The following CDKL1 variants were observed in gnomAD, a reference collection of about 807,000 sequenced individuals.
The protein encoded by CDKL1 is cyclin-dependent kinase-like 1.
Under a neutral mutation model 42.0 loss-of-function variants are expected in CDKL1, and 41 were observed. That is an observed-to-expected ratio of 0.98 (90% CI 0.76 to 1.27). The LOEUF (loss-of-function observed/expected upper bound fraction) is 1.27. Ranked by LOEUF, CDKL1 falls within the 50% of genes most tolerant of loss-of-function variation. The probability of loss-of-function intolerance (pLI) is 0.00; values close to 1 mark genes in which losing one functional copy is unlikely to be tolerated. For synonymous variants in CDKL1, 153 were observed against 158.6 expected (o/e 0.96, Z 0.26); for missense variants, 394 against 428.4 (o/e 0.92, Z 0.71).
rs369387477 is a variant in CDKL1 at position 50,368,171 on chromosome 14, T to C, written c.169-9022A>G. Among the ~76,000 whole-genome samples, 29 of 152,270 alleles carry C rather than the reference T, an allele frequency of 1.9e-4. No individual in the cohort carries two copies. In the South Asian group the frequency reaches 5.6e-3, roughly 29 times the overall value. On this transcript the variant is annotated intron_variant, in intron 2 of 9. Transcript: ENST00000395834. Reference sequence around the variant, plus strand: ...GACAGGGTTTCGCTACGTTGCCCTGTCCGATCTTGAAATCCTGGGCTCAAG... The same window carrying C: ...GACAGGGTTTCGCTACGTTGCCCTGCCCGATCTTGAAATCCTGGGCTCAAG...
intron 2 of CDKL1, chr14:50,377,741 C>A: frequency 8.0e-7 from 1 of 1,250,546 alleles, no homozygotes; most frequent in Non-Finnish European, 1.0e-6. Flanking sequence ...TGCAGTGGCA[C>A]ATGAGTGGTA....
intron 2 of CDKL1, among the ~76,000 whole-genome samples, chr14:50,393,810 G>C (rs530146293): frequency 6.6e-6 from 1 of 152,158 alleles, no homozygotes; most frequent in Admixed American, 6.5e-5. Flanking sequence ...TTGAAATCAG[G>C]CTCATGTGTA....
At chr14:50,383,268 G>A (rs2034975022) in intron 2 of CDKL1, among the ~76,000 whole-genome samples, 1 of 151,948 alleles carries the variant, frequency 6.6e-6, no homozygotes, top group South Asian at 2.1e-4. Context: ...ACACACTGTC[G>A]GCTGGGCGTG....
At chr14:50,383,784 G>A (rs2034994116) in intron 2 of CDKL1, among the ~76,000 whole-genome samples, 1 of 152,132 alleles carries the variant, frequency 6.6e-6, no homozygotes, top group African/African-American at 2.4e-5. Flanking sequence ...GCAGAACACT[G>A]ACAGATGGTG....
At chr14:50,342,770 G>A (rs1015116367) in intron 4 of CDKL1, 7 of 771,040 alleles carry the variant, frequency 9.1e-6, no homozygotes, top group East Asian at 2.0e-4. Flanking sequence ...AGTCAGCCTC[G>A]TAAACAGGAC....
chr14:50,342,052 T>TTATAGA lies in CDKL1; in HGVS notation c.454+79_454+80insTCTATA, dbSNP rs2033561832. The TTATAGA allele has an allele frequency of 7.2e-6, 8 of 1,118,806 alleles. No homozygotes were observed. The Admixed American group carries it at 1.4e-4, about 20-fold the overall frequency. 69.3% of individuals were successfully genotyped at this position (1,118,806 alleles called of 1,614,324 possible). ...AATATACAAGTACTATCTTGTATAC[T>TTATAGA]TCTAGAGCATTTAGATCCTTTGTTG... On this transcript the variant is annotated intron_variant, in intron 5 of 9. Transcript: ENST00000395834.
At chr14:50,368,415 C>T (rs1426983686) in intron 2 of CDKL1, among the ~76,000 whole-genome samples, 1 of 152,006 alleles carries the variant, frequency 6.6e-6, no homozygotes, top group African/African-American at 2.4e-5. Context: ...ACCATCATAA[C>T]AAGCTAGTTT....
chr14:50,394,093 G>A (rs2035333925), intron 2 of CDKL1, among the ~76,000 whole-genome samples: 1 of 152,182 alleles, frequency 6.6e-6, no homozygotes, highest in South Asian at 2.1e-4. Flanking sequence ...TGAGAGATTT[G>A]AAAGGAGCAT....
intron 3 of CDKL1, among the ~76,000 whole-genome samples, chr14:50,348,393 TA>T (rs1315193070): frequency 6.6e-6 from 1 of 152,196 alleles, no homozygotes; most frequent in Non-Finnish European, 1.5e-5. Flanking sequence ...CTGGAAAGGA[TA>T]AAGCAGAGGA....
At chr14:50,395,200 T>C (rs1168618232) in intron 2 of CDKL1, among the ~76,000 whole-genome samples, 1 of 152,202 alleles carries the variant, frequency 6.6e-6, no homozygotes. Context: ...GCCAGCAAAA[T>C]TGAATTGTCT....
intron 2 of CDKL1, among the ~76,000 whole-genome samples, chr14:50,390,975 C>G (rs886636668): frequency 3.3e-5 from 5 of 152,196 alleles, no homozygotes; most frequent in African/African-American, 1.2e-4. Context: ...GCTGGGACTA[C>G]AGGTGCATGC....
chr14:50,377,403 G>A (rs564125424), intron 2 of CDKL1: 4 of 239,776 alleles, frequency 1.7e-5, no homozygotes, highest in African/African-American at 9.3e-5. Flanking sequence ...TGGTTACATT[G>A]GGTTTCCTCC....
In CDKL1 at chr14:50,359,028, C is replaced by T; in HGVS notation, c.290G>A (p.Gly97Glu). 1 of 1,610,338 alleles carries T rather than the reference C, an allele frequency of 6.2e-7. No homozygotes were observed. Among genetic ancestry groups the T allele is most frequent in the Non-Finnish European group, 8.5e-7 (1 of 1,177,754 alleles). ...TGCTTGTAAGGGATGGATCACTCAC[C>T]CTCTTTGGTATCTGTCCAACTCATG... ...VLHELDRYQR[G>E]VPEHLVKSIT... The change falls in exon 3 of 10, where the codon GGG becomes GAG. Residue 97 changes from glycine to glutamate, a missense_variant and splice_region_variant. Physicochemically the swap from Gly to Glu is moderately conservative, Grantham distance 98. Coordinates refer to ENST00000395834, the MANE Select transcript of CDKL1 (RefSeq NM_004196.7).
intron 7 of CDKL1, chr14:50,335,590 G>C: frequency 6.5e-7 from 1 of 1,535,060 alleles, no homozygotes; most frequent in Non-Finnish European, 8.7e-7. Flanking sequence ...CGAATGTCAG[G>C]CAGACAAACA....
chr14:50,338,998 A>C lies in CDKL1; in HGVS notation c.687T>G (p.Phe229Leu), dbSNP rs2033410337. The C allele has an allele frequency of 6.2e-7, 1 of 1,612,704 alleles. No individual in the cohort carries two copies. The highest frequency in any genetic ancestry group is 1.3e-5 in the African/African-American group (1 of 74,884). The change falls in exon 7 of 10, where the codon TTT becomes TTG. Residue 229 changes from phenylalanine to leucine, a missense_variant. Physicochemically the swap from Phe to Leu is conservative, Grantham distance 22 (BLOSUM62 0). Transcript: ENST00000395834. ...GDLIPRHQQV[F>L]STNQYFSGVK... ...CTCCACTGAAGTACTGATTCGTGCT[A>C]AACACTTGCTGGTGCCTAGGAATGA...
intron 7 of CDKL1, chr14:50,336,052 C>T (rs1463880714): frequency 7.3e-7 from 1 of 1,366,262 alleles, no homozygotes; most frequent in Non-Finnish European, 9.8e-7. Flanking sequence ...CTGAGCATCA[C>T]TGGGGTTTGA....
chr14:50,335,773 C>T, intron 7 of CDKL1: 1 of 985,358 alleles, frequency 1.0e-6, no homozygotes, highest in East Asian at 1.1e-4. Flanking sequence ...ATCAAACAGT[C>T]CTGGTGCTGT....
At chr14:50,344,813 T>C (rs2033674365) in intron 4 of CDKL1, among the ~76,000 whole-genome samples, 173 bp downstream of exon 4, 1 of 152,188 alleles carries the variant, frequency 6.6e-6, no homozygotes, top group African/African-American at 2.4e-5. Flanking sequence ...TTATATAACC[T>C]GAGCAAGAAG....
chr14:50,335,510 G>A (rs918509138), intron 7 of CDKL1: 20 of 1,535,910 alleles, frequency 1.3e-5, no homozygotes, highest in Middle Eastern at 1.7e-4. Context: ...CCTTTTGGCC[G>A]TATAAGGCGA....
Sources: allele counts gnomAD v4.1 joint callset (sites outside exome capture counted in the v4.1 genomes callset), GRCh38; gene constraint gnomAD v4.1.1; transcripts MANE v1.5; gene names NCBI Gene and HGNC (gene_info 2026-07-23, HGNC 2026-07-21).